Variants in SLC37A3 observed in about 807,000 individuals in gnomAD.
SLC37A3 encodes solute carrier family 37 member 3, also known as sugar phosphate exchanger 3.
Under a neutral mutation model 67.1 loss-of-function variants are expected in SLC37A3, and 51 were observed. The ratio of observed to expected loss-of-function variants is 0.76; its 90% CI spans 0.61 to 0.96. The LOEUF (loss-of-function observed/expected upper bound fraction) is 0.96. Ranked by LOEUF, SLC37A3 falls within the 40% of genes least tolerant of loss-of-function variation. The pLI is 0.00. For missense variants in SLC37A3, 508 were observed against 603.0 expected, an observed-to-expected ratio of 0.84 and a Z score of 1.65; for synonymous variants, 214 against 231.4, an observed-to-expected ratio of 0.92 and a Z score of 0.68.
chr7:140,336,488 G>C (rs1796134737), intron 14 of SLC37A3, among the ~76,000 whole-genome samples: 1 of 152,216 alleles, frequency 6.6e-6, no homozygotes, highest in Non-Finnish European at 1.5e-5. Flanking sequence ...CAAGAAAGTA[G>C]AGAATCCCAG....
chr7:140,337,632 G>T, intron 13 of SLC37A3: 1 of 251,640 alleles, frequency 4.0e-6, no homozygotes, highest in Middle Eastern at 1.2e-3. Context: ...ACATCCGCAA[G>T]CCACTCCCAT....
At chr7:140,373,031 G>A (rs772179451) in intron 3 of SLC37A3, among the ~76,000 whole-genome samples, 69 of 151,964 alleles carry the variant, frequency 4.5e-4, no homozygotes, top group Non-Finnish European at 8.7e-4. Context: ...GGCTCACTGC[G>A]ACCTCCGCCT....
At chr7:140,366,384 C>T (rs1797602130) in intron 4 of SLC37A3, among the ~76,000 whole-genome samples, 1 of 152,086 alleles carries the variant, frequency 6.6e-6, no homozygotes, top group South Asian at 2.1e-4. Flanking sequence ...ACTGGGATTA[C>T]AGGCGTGAGC....
chr7:140,365,396 C>A (rs970400763), intron 4 of SLC37A3, among the ~76,000 whole-genome samples: 1 of 151,852 alleles, frequency 6.6e-6, no homozygotes, highest in Non-Finnish European at 1.5e-5. Context: ...CAAGACCAAA[C>A]TGGCCAACAT....
At chr7:140,386,082 C>CTTAT (rs537844890) in intron 1 of SLC37A3, among the ~76,000 whole-genome samples, 1,975 of 151,824 alleles carry the variant, frequency 0.013, 45 homozygotes, top group African/African-American at 0.044. Context: ...CATGCCTGGC[C>CTTAT]TTATTTATTT....
intron 10 of SLC37A3, among the ~76,000 whole-genome samples, chr7:140,347,321 C>T (rs1796605249): frequency 6.6e-6 from 1 of 151,054 alleles, no homozygotes; most frequent in Admixed American, 6.6e-5. Context: ...TTATGGTTTG[C>T]TAATAGGACA....
intron 3 of SLC37A3, among the ~76,000 whole-genome samples, chr7:140,373,055 G>A (rs1382671730): frequency 6.6e-6 from 1 of 152,016 alleles, no homozygotes; most frequent in Non-Finnish European, 1.5e-5. Flanking sequence ...GGGTTCAAGC[G>A]ATTCTCCTGC....
chr7:140,336,280 C>T (rs1005040786), intron 14 of SLC37A3, among the ~76,000 whole-genome samples: 50 of 152,194 alleles, frequency 3.3e-4, no homozygotes, highest in African/African-American at 1.1e-3. Flanking sequence ...CATGGTGGCA[C>T]ACACCTATAG....
intron 5 of SLC37A3, among the ~76,000 whole-genome samples, chr7:140,362,062 G>A (rs1797332664): frequency 8.4e-6 from 1 of 118,950 alleles, no homozygotes; most frequent in Admixed American, 7.9e-5. Context: ...TCTGGAAAGT[G>A]AGGAGCGTCT....
chr7:140,388,240 C>T (rs1191251311), intron 1 of SLC37A3, among the ~76,000 whole-genome samples: 1 of 151,494 alleles, frequency 6.6e-6, no homozygotes, highest in Non-Finnish European at 1.5e-5. Context: ...TGAGACCAGC[C>T]TGGGAAACAT....
At chr7:140,350,885 T>C (rs1470819508) in intron 9 of SLC37A3, among the ~76,000 whole-genome samples, 1 of 151,818 alleles carries the variant, frequency 6.6e-6, no homozygotes, top group Non-Finnish European at 1.5e-5. Flanking sequence ...AAAGCACACA[T>C]TAAAAATTAT....
At position 140,348,627 on chromosome 7, in the gene SLC37A3, T is replaced by C. The variant is rs1356505170; in HGVS notation, c.1023A>G (p.Ile341Met). The change falls in exon 10 of 15, where the codon ATA becomes ATG. Residue 341 changes from isoleucine (I) to methionine (M), a missense_variant and splice_region_variant. Physicochemically the swap from Ile to Met is conservative, Grantham distance 10. Transcript: ENST00000326232. The stretch of plus-strand genomic sequence containing the variant: ...GGAAAAGATGTATCACCGGCATACC[T>C]ATGATCCCTCCAACGTCGTACCAAA... ...LSIWYDVGGI[I>M]GGTLQGFISD... The C allele has an allele frequency of 6.2e-7, 1 of 1,610,966 alleles. No homozygotes were observed. The highest frequency in any genetic ancestry group is 2.2e-5 in the East Asian group (1 of 44,876).
chr7:140,335,136 C>G lies in SLC37A3; in HGVS notation c.*276G>C. 3 of 1,267,946 alleles carry G rather than the reference C, an allele frequency of 2.4e-6. No homozygotes were observed. The highest frequency in any genetic ancestry group is 3.2e-6 in the Non-Finnish European group (3 of 923,102). 78.5% of individuals were successfully genotyped at this position (1,267,946 alleles called of 1,614,324 possible). A position where few individuals can be genotyped will look rare whatever the true frequency, so the allele number is the denominator to read the frequency against. On this transcript the variant is annotated 3_prime_UTR_variant, in exon 15 of 15. Coordinates refer to ENST00000326232, the MANE Select transcript of SLC37A3 (RefSeq NM_207113.3). ...AACCTCAATAGGCCAAACAAAGACG[C>G]GGGCAGAGTCAGAGGTCAAAGATGC... is the stretch of plus-strand genomic sequence containing the variant.
chr7:140,353,269 G>A (rs965995537), intron 7 of SLC37A3, among the ~76,000 whole-genome samples: 1 of 151,978 alleles, frequency 6.6e-6, no homozygotes, highest in Non-Finnish European at 1.5e-5. Context: ...GATCACCTGA[G>A]GTCAGGAGTT....
intron 13 of SLC37A3, 77 bp downstream of exon 13, chr7:140,343,335 G>A: frequency 6.3e-7 from 1 of 1,592,796 alleles, no homozygotes; most frequent in Non-Finnish European, 8.6e-7. Flanking sequence ...CACCTACTGA[G>A]GCCCAGAGGG....
In SLC37A3 at chr7:140,365,968, C is replaced by T. The variant is rs372567393; in HGVS notation, c.292-1477G>A. Among the ~76,000 whole-genome samples the T allele has an allele frequency of 1.9e-3, 207 of 110,704 alleles. No homozygotes were observed. In the Middle Eastern group the frequency reaches 0.034, roughly 18 times the overall value. The allele number at this position is 110,704 out of a possible 152,430, so 72.6% of individuals were successfully genotyped here. ...TTTTTTTTTTTTTGAGACAGAGTCT[C>T]ACTCTGTCATCCAGGCTGGAATGCA... On this transcript the variant is annotated intron_variant, in intron 4 of 14. Coordinates refer to ENST00000326232, the MANE Select transcript of SLC37A3 (RefSeq NM_207113.3).
At chr7:140,348,599 T>C in intron 10 of SLC37A3, 27 bp downstream of exon 10, 1 of 1,583,118 alleles carries the variant, frequency 6.3e-7, no homozygotes, top group Non-Finnish European at 8.6e-7. Context: ...AACTCTTTAT[T>C]ATGGAAAAGA....
intron 13 of SLC37A3, among the ~76,000 whole-genome samples, chr7:140,337,994 C>G (rs1796210633): frequency 6.6e-6 from 1 of 151,242 alleles, no homozygotes; most frequent in Non-Finnish European, 1.5e-5. Flanking sequence ...AGGTTCACAT[C>G]ATTCTCCTGC....
At chr7:140,339,264 G>GTTTTTTT (rs748009768) in intron 13 of SLC37A3, among the ~76,000 whole-genome samples, 2 of 130,762 alleles carry the variant, frequency 1.5e-5, no homozygotes, top group African/African-American at 2.9e-5. Flanking sequence ...TCCCAGTTTT[G>GTTTTTTT]TTTTTTTTTT....
Sources: gnomAD v4.1 joint callset for allele counts (sites outside exome capture counted in the v4.1 genomes callset) on GRCh38, gnomAD v4.1.1 for gene constraint, MANE v1.5 for transcripts, NCBI Gene and HGNC (gene_info 2026-07-23, HGNC 2026-07-21) for gene names.